The following PCDHA6 variants were observed in gnomAD, a reference collection of about 807,000 sequenced individuals.
PCDHA6 encodes protocadherin alpha 6.
Under a neutral mutation model 60.3 loss-of-function variants are expected in PCDHA6, and 55 were observed. That is an observed-to-expected ratio of 0.91 (90% CI 0.73 to 1.14). PCDHA6 has a LOEUF of 1.14. Among genes scored for constraint, PCDHA6 ranks in the 50% most tolerant of loss-of-function variants. The pLI is 0.00. For synonymous variants in PCDHA6, 652 were observed against 557.9 expected (o/e 1.17, Z -2.38); for missense variants, 1,327 against 1,256.5 (o/e 1.06, Z -0.85).
chr5:140,977,839 C>G (rs1400370638), intron 1 of PCDHA6, among the ~76,000 whole-genome samples: 1 of 152,176 alleles, frequency 6.6e-6, no homozygotes, highest in South Asian at 2.1e-4. Context: ...ATTGATATTA[C>G]TATGGCTTTG....
intron 1 of PCDHA6, chr5:140,875,494 G>A (rs1178647780): frequency 6.2e-7 from 1 of 1,613,020 alleles, no homozygotes; most frequent in Non-Finnish European, 8.5e-7. Context: ...CGGACCAAGA[G>A]GCCCGGGATC....
intron 1 of PCDHA6, chr5:140,869,624 A>G: frequency 6.2e-7 from 1 of 1,613,850 alleles, no homozygotes; most frequent in African/African-American, 1.3e-5. Flanking sequence ...AGGCTAAGTA[A>G]AAATGAGTAT....
At position 140,828,675 on chromosome 5, in the gene PCDHA6, T is replaced by C; in HGVS notation, c.584T>C (p.Leu195Ser). Residue 195 changes from leucine (L) to serine (S), a missense_variant, in exon 1 of 4, where the codon TTA (leucine) becomes TCA (serine). Transcript: ENST00000529310. Reference protein sequence around the residue: ...NSDDNKQIGLLLKKSLDREEA... With the variant: ...NSDDNKQIGLSLKKSLDREEA... ...GATGACAATAAACAAATTGGGCTCT[T>C]ATTAAAGAAATCCTTGGACAGAGAG... 13 of 1,614,212 alleles carry C rather than the reference T, an allele frequency of 8.1e-6. No homozygotes were observed. Among genetic ancestry groups the C allele is most frequent in the Non-Finnish European group, 9.3e-6 (11 of 1,180,036 alleles).
At chr5:140,978,799 A>C (rs2096824173) in intron 1 of PCDHA6, 150 bp from the exon 2 acceptor site, 2 of 1,479,066 alleles carry the variant, frequency 1.4e-6, no homozygotes, top group East Asian at 4.9e-5. Flanking sequence ...ATATATGTAG[A>C]TATCATCATA....
chr5:140,884,554 G>A (rs1554181727), intron 1 of PCDHA6: 10 of 1,614,160 alleles, frequency 6.2e-6, no homozygotes, highest in Non-Finnish European at 6.8e-6. Context: ...GCTCTGGGGA[G>A]GGCCCGCATA....
At chr5:140,839,812 A>G (rs2150301074) in intron 1 of PCDHA6, among the ~76,000 whole-genome samples, 1 of 152,032 alleles carries the variant, frequency 6.6e-6, no homozygotes, top group African/African-American at 2.4e-5. Flanking sequence ...TTAATTGCCT[A>G]CTATGAAGGC....
intron 1 of PCDHA6, among the ~76,000 whole-genome samples, chr5:140,971,471 G>A (rs1274091500): frequency 1.3e-5 from 2 of 152,172 alleles, no homozygotes; most frequent in African/African-American, 4.8e-5. Context: ...TATAGGGAGA[G>A]AGTGTCACAT....
At chr5:140,883,365 G>A in intron 1 of PCDHA6, 1 of 1,614,148 alleles carries the variant, frequency 6.2e-7, no homozygotes, top group Non-Finnish European at 8.5e-7. Context: ...ACTCAGCCTA[G>A]CGCCATTATT....
intron 1 of PCDHA6, chr5:140,884,166 C>T: frequency 1.2e-6 from 2 of 1,613,430 alleles, no homozygotes; most frequent in Non-Finnish European, 1.7e-6. Context: ...GAGATCAGCA[C>T]GACGCGCCCT....
chr5:140,835,653 G>A, intron 1 of PCDHA6: 1 of 1,613,930 alleles, frequency 6.2e-7, no homozygotes, highest in Non-Finnish European at 8.5e-7. Context: ...CTATGAGCTG[G>A]TGGTTACCGC....
At chr5:140,859,400 G>T in intron 1 of PCDHA6, 1 of 258,574 alleles carries the variant, frequency 3.9e-6, no homozygotes, top group South Asian at 8.7e-5. Context: ...CTTAAACAGG[G>T]TTGGGTTAGA....
intron 1 of PCDHA6, among the ~76,000 whole-genome samples, chr5:140,958,419 A>G (rs1275772647): frequency 6.6e-6 from 1 of 152,196 alleles, no homozygotes; most frequent in Non-Finnish European, 1.5e-5. Flanking sequence ...GCTTGGAAAG[A>G]AGCACTTTTT....
rs1353542973 is a variant in PCDHA6 at position 140,828,575 on chromosome 5, G to T, written c.484G>T (p.Val162Phe). Residue 162 changes from valine to phenylalanine, a missense_variant, in exon 1 of 4, where the codon GTT becomes TTT. Coordinates refer to ENST00000529310, the MANE Select transcript of PCDHA6 (RefSeq NM_018909.4). ...ACTGGAGGGCGCGTCCGATGCAGAT[G>T]TTGGCTCAAATTCCATCTTAACCTA... ...FPLEGASDAD[V>F]GSNSILTYKL... 1.2e-6 allele frequency: 2 copies of T among 1,614,260 alleles called. No homozygotes were observed. The highest frequency in any genetic ancestry group is 1.7e-6 in the Non-Finnish European group (2 of 1,180,044).
chr5:140,862,968 G>A (rs1554157319), intron 1 of PCDHA6: 1 of 544,810 alleles, frequency 1.8e-6, no homozygotes, highest in Non-Finnish European at 3.6e-6. Flanking sequence ...GTGGATGCAG[G>A]CCACTTGGTG....
intron 3 of PCDHA6, among the ~76,000 whole-genome samples, chr5:140,996,730 A>G (rs1271920339): frequency 2.6e-5 from 4 of 152,228 alleles, no homozygotes; most frequent in African/African-American, 9.6e-5. Context: ...AGAAGAAACA[A>G]AAGTCATAAC....
chr5:140,985,606 C>A (rs1008038466), intron 3 of PCDHA6, among the ~76,000 whole-genome samples: 1 of 152,300 alleles, frequency 6.6e-6, no homozygotes, highest in South Asian at 2.1e-4. Context: ...AGAGCCCTTT[C>A]CGTGAACCAG....
chr5:140,850,941 T>A lies in PCDHA6; in HGVS notation c.2394+20456T>A. The A allele has an allele frequency of 2.0e-6, 3 of 1,505,592 alleles. 1 individual carries two copies. 93.3% of individuals were successfully genotyped at this position (1,505,592 alleles called of 1,614,324 possible). On this transcript the variant is annotated intron_variant, in intron 1 of 3. Coordinates refer to ENST00000529310, the MANE Select transcript of PCDHA6 (RefSeq NM_018909.4). ...TTATATAATTTTTTTTCTTGAAAGATATTATCGATTACTCCCAGGGGCCGT... is the reference window on the plus strand; with the variant it reads ...TTATATAATTTTTTTTCTTGAAAGAAATTATCGATTACTCCCAGGGGCCGT...
intron 1 of PCDHA6, among the ~76,000 whole-genome samples, chr5:140,909,874 T>G (rs778631778): frequency 2.6e-4 from 39 of 152,184 alleles, no homozygotes; most frequent in Admixed American, 5.2e-4. Context: ...CAACGTCAGC[T>G]TAGAGACACT....
intron 1 of PCDHA6, among the ~76,000 whole-genome samples, chr5:140,912,549 A>G (rs2075971399): frequency 6.6e-6 from 1 of 152,152 alleles, no homozygotes; most frequent in East Asian, 1.9e-4. Context: ...TTGTCAGCAA[A>G]CAGCAACAGT....
Sources: gnomAD v4.1 joint callset for allele counts (sites outside exome capture counted in the v4.1 genomes callset) on GRCh38, gnomAD v4.1.1 for gene constraint, MANE v1.5 for transcripts, NCBI Gene and HGNC (gene_info 2026-07-23, HGNC 2026-07-21) for gene names.